PHACTR1: variants seen among roughly 807,000 people sequenced by gnomAD.
PHACTR1 encodes the protein phosphatase and actin regulator 1.
Under a neutral mutation model 69.2 loss-of-function variants are expected in PHACTR1, and 16 were observed. The ratio of observed to expected loss-of-function variants is 0.23; its 90% confidence interval spans 0.16 to 0.35. PHACTR1 has a LOEUF of 0.35. Among genes scored for constraint, PHACTR1 ranks in the 10% least tolerant of loss-of-function variants. PHACTR1 has a pLI of 1.00. For synonymous variants in PHACTR1, 312 were observed against 284.5 expected (o/e 1.10, Z -0.97); for missense variants, 510 against 734.7 (o/e 0.69, Z 3.54).
intron 8 of PHACTR1, among the ~76,000 whole-genome samples, chr6:13,216,464 G>A (rs575175225): frequency 1.3e-5 from 2 of 152,348 alleles, no homozygotes; most frequent in Non-Finnish European, 2.9e-5. Context: ...GAACACCTAG[G>A]TGTTGTTTGC....
intron 4 of PHACTR1, among the ~76,000 whole-genome samples, chr6:12,821,491 G>C (rs1414306889): frequency 2.0e-5 from 3 of 146,924 alleles, no homozygotes; most frequent in Non-Finnish European, 4.5e-5. Flanking sequence ...AAAAGAGAGA[G>C]AGAGAGAGAG....
chr6:12,938,564 T>A (rs576085164), intron 4 of PHACTR1, among the ~76,000 whole-genome samples: 1 of 152,326 alleles, frequency 6.6e-6, no homozygotes, highest in South Asian at 2.1e-4. Context: ...AAATAAGGTA[T>A]AATTTGGTAT....
chr6:12,894,060 A>G (rs1784410893), intron 4 of PHACTR1, among the ~76,000 whole-genome samples: 1 of 152,184 alleles, frequency 6.6e-6, no homozygotes, highest in South Asian at 2.1e-4. Context: ...TTACTTTTTA[A>G]GCGTTCTCGC....
intron 4 of PHACTR1, among the ~76,000 whole-genome samples, chr6:12,757,680 A>G (rs529775228): frequency 1.3e-4 from 20 of 152,292 alleles, no homozygotes; most frequent in South Asian, 8.3e-4. Context: ...GGAGAAGAGC[A>G]AGCAGTAATT....
intron 4 of PHACTR1, among the ~76,000 whole-genome samples, chr6:13,004,923 A>G (rs1415431393): frequency 1.3e-5 from 2 of 152,164 alleles, no homozygotes; most frequent in African/African-American, 2.4e-5. Context: ...GGTTAAAAAT[A>G]TAAAATCTAT....
chr6:12,750,052 A>G (rs1319324188), intron 4 of PHACTR1, among the ~76,000 whole-genome samples: 2 of 152,126 alleles, frequency 1.3e-5, no homozygotes, highest in African/African-American at 4.8e-5. Flanking sequence ...GTCAGTGACC[A>G]CAGTGATCCC....
At chr6:13,173,629 G>A (rs1189742332) in intron 6 of PHACTR1, among the ~76,000 whole-genome samples, 1 of 152,182 alleles carries the variant, frequency 6.6e-6, no homozygotes, top group Non-Finnish European at 1.5e-5. Flanking sequence ...GGGGCAACTG[G>A]CAGCTTCGAT....
chr6:13,148,669 C>T lies in PHACTR1; in HGVS notation c.416-11535C>T, dbSNP rs547327839. On this transcript the variant is annotated intron_variant, in intron 5 of 14. Coordinates refer to ENST00000332995, the MANE Select transcript of PHACTR1 (RefSeq NM_030948.6). ...TAGTCAAGAGGAAAACAAGTAGGCT[C>T]CTCTGTGTTAATGACATGGTCTACC... Among the ~76,000 whole-genome samples, 4 of 152,132 alleles carry T rather than the reference C, an allele frequency of 2.6e-5. No homozygotes were observed. In the South Asian group the frequency reaches 8.3e-4, roughly 32 times the overall value.
chr6:12,890,880 A>G (rs1414996958), intron 4 of PHACTR1, among the ~76,000 whole-genome samples: 1 of 152,140 alleles, frequency 6.6e-6, no homozygotes. Context: ...TGTAATATCT[A>G]TCTTCCCCTC....
intron 4 of PHACTR1, among the ~76,000 whole-genome samples, chr6:13,000,182 G>A (rs776811764): frequency 2.7e-4 from 41 of 152,272 alleles, no homozygotes; most frequent in African/African-American, 8.7e-4. Flanking sequence ...GGGAATCCAC[G>A]ACAAGGCATG....
At chr6:12,759,787 G>A (rs977091326) in intron 4 of PHACTR1, among the ~76,000 whole-genome samples, 11 of 152,198 alleles carry the variant, frequency 7.2e-5, no homozygotes, top group Non-Finnish European at 1.0e-4. Flanking sequence ...GTCATCATGG[G>A]CCCTGCAAAG....
At chr6:12,995,597 C>G (rs1209804362) in intron 4 of PHACTR1, among the ~76,000 whole-genome samples, 1 of 151,832 alleles carries the variant, frequency 6.6e-6, no homozygotes, top group Admixed American at 6.6e-5. Context: ...TCCATTAATA[C>G]TTAGTGGTAA....
chr6:12,794,963 A>G (rs1358727264), intron 4 of PHACTR1, among the ~76,000 whole-genome samples: 1 of 152,176 alleles, frequency 6.6e-6, no homozygotes, highest in African/African-American at 2.4e-5. Flanking sequence ...GAAGGGGGCC[A>G]TCACTCAGGA....
At chr6:13,115,227 T>C (rs1817635108) in intron 5 of PHACTR1, among the ~76,000 whole-genome samples, 1 of 152,202 alleles carries the variant, frequency 6.6e-6, no homozygotes, top group African/African-American at 2.4e-5. Context: ...CAGAATTATT[T>C]TTACACTGCC....
At chr6:13,083,511 A>G (rs932439718) in intron 5 of PHACTR1, among the ~76,000 whole-genome samples, 8 of 150,576 alleles carry the variant, frequency 5.3e-5, no homozygotes, top group Admixed American at 4.0e-4. Context: ...TGGGGATGGC[A>G]TTGAATCTAT....
chr6:13,056,399 C>T (rs1339987035), intron 5 of PHACTR1, among the ~76,000 whole-genome samples: 2 of 152,192 alleles, frequency 1.3e-5, no homozygotes, highest in South Asian at 2.1e-4. Flanking sequence ...GACCCAATCT[C>T]ACACATATGC....
chr6:13,069,381 A>C (rs1809167473), intron 5 of PHACTR1, among the ~76,000 whole-genome samples: 1 of 152,130 alleles, frequency 6.6e-6, no homozygotes, highest in South Asian at 2.1e-4. Context: ...TTCTCTCCAA[A>C]GTTCTGATGG....
At chr6:13,193,357 G>GTATATA (rs56305254) in intron 7 of PHACTR1, among the ~76,000 whole-genome samples, 3,685 of 67,966 alleles carry the variant, frequency 0.054, 357 homozygotes, top group East Asian at 0.24. Context: ...AGCTCTCTGT[G>GTATATA]TATATATATA....
At chr6:13,083,153 T>C (rs1811684332) in intron 5 of PHACTR1, among the ~76,000 whole-genome samples, 1 of 152,242 alleles carries the variant, frequency 6.6e-6, no homozygotes, top group Admixed American at 6.5e-5. Flanking sequence ...AGTTTCAGCT[T>C]TCTACATATG....
Sources: allele counts gnomAD v4.1 joint callset (sites outside exome capture counted in the v4.1 genomes callset), GRCh38; gene constraint gnomAD v4.1.1; transcripts MANE v1.5; gene names NCBI Gene and HGNC (gene_info 2026-07-23, HGNC 2026-07-21).